Variants in PALD1 observed in about 807,000 individuals in gnomAD.
The protein encoded by PALD1 is paladin.
Under a neutral mutation model 96.0 loss-of-function variants are expected in PALD1, and 57 were observed. That is an observed-to-expected ratio of 0.59 (90% CI 0.48 to 0.74). The LOEUF is 0.74. Among genes scored for constraint, PALD1 ranks in the 30% least tolerant of loss-of-function variants. The pLI is 0.00. For missense variants in PALD1, 1,063 were observed against 1,143.7 expected (o/e 0.93, Z 1.02); for synonymous variants, 464 against 473.6 (o/e 0.98, Z 0.26).
intron 18 of PALD1, among the ~76,000 whole-genome samples, chr10:70,556,301 T>TCTCA (rs1847609441): frequency 1.3e-5 from 2 of 150,570 alleles, no homozygotes; most frequent in African/African-American, 5.0e-5. Flanking sequence ...TCTCTCTCTC[T>TCTCA]CTCTCTGTCT....
chr10:70,532,547 G>C, intron 5 of PALD1, 74 bp from the exon 6 acceptor site: 1 of 1,505,886 alleles, frequency 6.6e-7, no homozygotes, highest in Non-Finnish European at 9.1e-7. Flanking sequence ...GGTCACTCCA[G>C]AGCTCAGCCA....
At chr10:70,462,866 T>C in the PALD1 span, among the ~76,000 whole-genome samples, 1 of 152,208 alleles carries the variant, frequency 6.6e-6, no homozygotes, top group African/African-American at 2.4e-5. Flanking sequence ...GTTACTTGGC[T>C]GCATCCGTGG....
intron 7 of PALD1, 86 bp downstream of exon 7, chr10:70,533,156 T>C (rs1007355793): frequency 6.0e-5 from 63 of 1,051,892 alleles, no homozygotes; most frequent in Non-Finnish European, 7.2e-5. Flanking sequence ...CCTCTCGCCT[T>C]CCTCAGAGGA....
At chr10:70,535,528 T>C (rs1847094355) in intron 10 of PALD1, among the ~76,000 whole-genome samples, 1 of 137,072 alleles carries the variant, frequency 7.3e-6, no homozygotes, top group East Asian at 2.4e-4. Context: ...TCTTCCTCCT[T>C]CCTCCTCTTC....
In PALD1 at chr10:70,540,124, T is replaced by G. The variant is rs192020143; in HGVS notation, c.1908+362T>G. On this transcript the variant is annotated intron_variant, in intron 15 of 19. Transcript: ENST00000263563. This position sits in a 1 kb window ranked among gnomAD's most constrained non-coding sequence, Gnocchi z 4.2. ...TTGTGTTATGGGTGTGTGTTATAGG[T>G]GTGTGTGTGTTATCGGGGTGTGTGT... Among the ~76,000 whole-genome samples, 1 of 151,694 alleles carries G rather than the reference T, an allele frequency of 6.6e-6. No homozygotes were observed. The highest frequency in any genetic ancestry group is 1.9e-4 in the East Asian group (1 of 5,174).
upstream of PALD1, among the ~76,000 whole-genome samples, chr10:70,477,167 TG>T (rs1246125321): frequency 3.3e-5 from 5 of 152,184 alleles, no homozygotes; most frequent in African/African-American, 1.2e-4. Flanking sequence ...CTGGGGAGTC[TG>T]ACAGCTGGTG....
intron 18 of PALD1, among the ~76,000 whole-genome samples, chr10:70,558,494 A>C (rs1175895462): frequency 1.3e-5 from 2 of 152,160 alleles, no homozygotes; most frequent in African/African-American, 4.8e-5. Flanking sequence ...GATGCCATAC[A>C]AAGGGCAAAA....
chr10:70,502,942 G>A (rs373249867), intron 1 of PALD1, among the ~76,000 whole-genome samples: 5 of 152,056 alleles, frequency 3.3e-5, no homozygotes, highest in African/African-American at 9.7e-5. Flanking sequence ...GTGCAGTGGC[G>A]TGATCTCGGC....
At chr10:70,520,677 C>CT (rs1414308709) in intron 1 of PALD1, among the ~76,000 whole-genome samples, 2 of 104,140 alleles carry the variant, frequency 1.9e-5, no homozygotes, top group East Asian at 3.7e-4. Flanking sequence ...CTTTTCTTTT[C>CT]TTTCTTTCTT....
At chr10:70,561,006 T>C (rs72811376) in intron 18 of PALD1, among the ~76,000 whole-genome samples, 15,021 of 152,226 alleles carry the variant, frequency 0.099, 941 homozygotes, top group Middle Eastern at 0.18. Context: ...ATCACAGACC[T>C]GTGATCCAGC....
At chr10:70,537,641 A>C (rs1589206315) in intron 10 of PALD1, among the ~76,000 whole-genome samples, 170 bp from the exon 11 acceptor site, 1 of 152,226 alleles carries the variant, frequency 6.6e-6, no homozygotes, top group East Asian at 1.9e-4. Flanking sequence ...AGCATCTGGG[A>C]TAGGGTGAGA....
chr10:70,481,690 A>AT (rs1220855340), intron 1 of PALD1, among the ~76,000 whole-genome samples: 1 of 152,152 alleles, frequency 6.6e-6, no homozygotes, highest in East Asian at 1.9e-4. Flanking sequence ...TTTGACAGGG[A>AT]TCCCCCAGGT....
intron 18 of PALD1, among the ~76,000 whole-genome samples, chr10:70,555,023 G>A (rs1374576449): frequency 1.2e-5 from 1 of 80,880 alleles, no homozygotes; most frequent in Non-Finnish European, 2.4e-5. Context: ...CCAGGCTGGA[G>A]TGCAGTGGCA....
rs1051583731 is a variant in PALD1, at chr10:70,483,532, G to C, written c.-30+4473G>C. Among the ~76,000 whole-genome samples, 7 of 152,166 alleles carry C rather than the reference G, an allele frequency of 4.6e-5. No homozygotes were observed. In the East Asian group the frequency reaches 1.3e-3, roughly 29 times the overall value. On this transcript the variant is annotated intron_variant, in intron 1 of 19. Transcript: ENST00000263563. ...GTGCTGTGAGGGCTGTGGGTACCCT[G>C]GGAAACGGCCAACAGGCTGGGCTGG...
intron 10 of PALD1, among the ~76,000 whole-genome samples, chr10:70,535,258 C>G (rs1178440024): frequency 1.3e-5 from 2 of 152,230 alleles, no homozygotes; most frequent in African/African-American, 4.8e-5. Flanking sequence ...GACCCTGTCC[C>G]CATGCCTTAG....
chr10:70,528,145 GTATAT>G (rs1055036612), intron 2 of PALD1, among the ~76,000 whole-genome samples: 3 of 46,680 alleles, frequency 6.4e-5, no homozygotes, highest in African/African-American at 9.8e-5. Flanking sequence ...ATTCCATGGT[GTATAT>G]GAAGGCACTT....
intron 2 of PALD1, among the ~76,000 whole-genome samples, chr10:70,528,494 GCT>G (rs796755155): frequency 8.5e-5 from 13 of 152,308 alleles, no homozygotes; most frequent in African/African-American, 3.1e-4. Flanking sequence ...CTTGTCCAAA[GCT>G]ATAGAGTTAC....
At chr10:70,498,895 T>C (rs1357675934) in intron 1 of PALD1, among the ~76,000 whole-genome samples, 2 of 149,344 alleles carry the variant, frequency 1.3e-5, no homozygotes, top group African/African-American at 5.0e-5. Flanking sequence ...CCCATTGCAC[T>C]CCAGATTGGG....
chr10:70,557,930 C>CCTTTTTTTTT (rs1847643623), intron 18 of PALD1, among the ~76,000 whole-genome samples: 1 of 92,882 alleles, frequency 1.1e-5, no homozygotes, highest in South Asian at 4.4e-4. Flanking sequence ...TTGGCTCTTC[C>CCTTTTTTTTT]TTTTTTTTTT....
Sources: allele counts gnomAD v4.1 joint callset (sites outside exome capture counted in the v4.1 genomes callset), GRCh38; gene constraint gnomAD v4.1.1; non-coding constraint Gnocchi (gnomAD v3.1); transcripts MANE v1.5; gene names NCBI Gene and HGNC (gene_info 2026-07-23, HGNC 2026-07-21).